SNX30: variants seen among roughly 807,000 people sequenced by gnomAD.
SNX30 encodes sorting nexin family member 30.
A neutral mutation model predicts 46.4 loss-of-function variants in SNX30; 24 were observed. The observed-to-expected ratio is 0.52, with a 90% CI of 0.37 to 0.73. SNX30 has a LOEUF of 0.73. SNX30 is among the 30% of genes least tolerant of loss of function. SNX30 has a pLI of 0.00. For missense variants in SNX30, 533 were observed against 555.7 expected (o/e 0.96, Z 0.41); for synonymous variants, 189 against 211.5 (o/e 0.89, Z 0.92).
At chr9:112,884,354 G>T (rs1369499526), downstream of SNX30, among the ~76,000 whole-genome samples, 2 of 152,230 alleles carry the variant, frequency 1.3e-5, no homozygotes, top group Non-Finnish European at 2.9e-5. Context: ...TCTTCCTGTG[G>T]TTCGAAAGCT....
chr9:112,779,164 T>C (rs939705164), intron 1 of SNX30, among the ~76,000 whole-genome samples: 13 of 152,246 alleles, frequency 8.5e-5, no homozygotes, highest in Non-Finnish European at 1.0e-4. Context: ...TCTTCATCTG[T>C]GGCCTTGCCT....
chr9:112,868,904 T>C lies in SNX30; in HGVS notation c.*61T>C. 6.5e-7 allele frequency: 1 copy of C among 1,529,246 alleles called. No individual in the cohort carries two copies. The highest frequency in any genetic ancestry group is 9.1e-7 in the Non-Finnish European group (1 of 1,103,112). The allele number at this position is 1,529,246 out of a possible 1,614,324, so 94.7% of individuals were successfully genotyped here. A position where few individuals can be genotyped will look rare whatever the true frequency, so the allele number is the denominator to read the frequency against. ...CAGGGCCTGGCACCCTATACCGGAA[T>C]GTCCCTGCAGTGCCAGAGACGCAGT... On this transcript the variant is annotated 3_prime_UTR_variant, in exon 9 of 9. Transcript: ENST00000374232.
Position 112,846,278 on chromosome 9 carries a change from G to T in SNX30, c.1015-4581G>T, listed in dbSNP as rs145598988. ...GAAGAAATAATGTATCACTGATTGT[G>T]TCTGTGTGATGAGATTATGTATGAC... is the stretch of plus-strand genomic sequence containing the variant. On this transcript the variant is annotated intron_variant, in intron 6 of 8. Transcript: ENST00000374232. 9.8e-5 allele frequency among the ~76,000 whole-genome samples: 15 copies of T among 152,326 alleles called. No homozygotes were observed. The East Asian group carries it at 2.9e-3, about 29-fold the overall frequency.
At chr9:112,849,993 T>C (rs1031416698) in intron 6 of SNX30, among the ~76,000 whole-genome samples, 3 of 152,212 alleles carry the variant, frequency 2.0e-5, no homozygotes, top group African/African-American at 4.8e-5. Context: ...GCTTTTCTGT[T>C]TTGCTTGGTG....
At chr9:112,846,504 A>G (rs929460993) in intron 6 of SNX30, among the ~76,000 whole-genome samples, 4 of 152,246 alleles carry the variant, frequency 2.6e-5, no homozygotes, top group African/African-American at 9.6e-5. Context: ...AGCTAGTGAT[A>G]TCACCAGTAC....
At chr9:112,790,911 A>G (rs986622134) in intron 1 of SNX30, among the ~76,000 whole-genome samples, 1 of 152,190 alleles carries the variant, frequency 6.6e-6, no homozygotes, top group African/African-American at 2.4e-5. Flanking sequence ...ATTCTTCTCT[A>G]TATTATTGCG....
rs73656451 is a variant in SNX30, at chr9:112,866,243, G to A, written c.1254+1844G>A. 2.8e-3 allele frequency among the ~76,000 whole-genome samples: 425 copies of A among 152,250 alleles called. 3 individuals carry two copies. The highest frequency in any genetic ancestry group is 9.6e-3 in the African/African-American group (398 of 41,536). On this transcript the variant is annotated intron_variant, in intron 8 of 8. Coordinates refer to ENST00000374232, the MANE Select transcript of SNX30 (RefSeq NM_001012994.2). ...TAAGGAAAAGAACGGGAAACTGGGG[G>A]AGAAAATACTAGGGGGCATAATGCA...
chr9:112,817,090 T>C (rs1840408158), intron 2 of SNX30, among the ~76,000 whole-genome samples: 1 of 152,208 alleles, frequency 6.6e-6, no homozygotes, highest in African/African-American at 2.4e-5. Context: ...GGGTTGTGGT[T>C]TGGCAGAATG....
intron 7 of SNX30, 129 bp from the exon 8 acceptor site, chr9:112,864,118 G>A (rs1841280404): frequency 2.0e-6 from 2 of 982,072 alleles, no homozygotes; most frequent in Non-Finnish European, 3.0e-6. Flanking sequence ...AATGCCTCCA[G>A]AGGAGGGAGC....
intron 7 of SNX30, among the ~76,000 whole-genome samples, chr9:112,861,559 G>A (rs527346930): frequency 1.2e-3 from 181 of 152,294 alleles, no homozygotes; most frequent in Middle Eastern, 3.4e-3. Context: ...AGGAAGTGTG[G>A]GGCTTTTTCT....
At chr9:112,853,903 T>C (rs1395298057) in intron 7 of SNX30, among the ~76,000 whole-genome samples, 2 of 152,210 alleles carry the variant, frequency 1.3e-5, no homozygotes, top group East Asian at 3.8e-4. Context: ...TATGTGTCAG[T>C]TAAATATTTA....
chr9:112,841,667 T>C (rs151046823), intron 6 of SNX30, among the ~76,000 whole-genome samples: 1 of 152,190 alleles, frequency 6.6e-6, no homozygotes, highest in African/African-American at 2.4e-5. Context: ...ATAGGAGTGA[T>C]TGGATGGCAA....
chr9:112,847,394 CAT>C (rs1457274171), intron 6 of SNX30, among the ~76,000 whole-genome samples: 1 of 151,794 alleles, frequency 6.6e-6, no homozygotes, highest in Non-Finnish European at 1.5e-5. Flanking sequence ...ATCCTGGAAT[CAT>C]ATTATTTCAT....
intron 1 of SNX30, among the ~76,000 whole-genome samples, chr9:112,794,398 G>A (rs1009299350): frequency 1.3e-5 from 2 of 152,234 alleles, no homozygotes; most frequent in Middle Eastern, 3.4e-3. Flanking sequence ...TGATCCACCC[G>A]CCTCGACCTC....
At position 112,868,907 on chromosome 9, in the gene SNX30, C is replaced by T. The variant is rs914780882; in HGVS notation, c.*64C>T. 1 of 1,491,246 alleles carries T rather than the reference C, an allele frequency of 6.7e-7. No homozygotes were observed. Among genetic ancestry groups the T allele is most frequent in the Non-Finnish European group, 9.4e-7 (1 of 1,068,814 alleles). 92.4% of individuals were successfully genotyped at this position (1,491,246 alleles called of 1,614,324 possible). A position where few individuals can be genotyped will look rare whatever the true frequency, so the allele number is the denominator to read the frequency against. Reference sequence around the variant, plus strand: ...GGCCTGGCACCCTATACCGGAATGTCCCTGCAGTGCCAGAGACGCAGTGCT... The same window carrying T: ...GGCCTGGCACCCTATACCGGAATGTTCCTGCAGTGCCAGAGACGCAGTGCT... On this transcript the variant is annotated 3_prime_UTR_variant, in exon 9 of 9. Coordinates refer to ENST00000374232, the MANE Select transcript of SNX30 (RefSeq NM_001012994.2).
At chr9:112,824,360 A>G (rs866318504) in intron 3 of SNX30, among the ~76,000 whole-genome samples, 47 of 152,168 alleles carry the variant, frequency 3.1e-4, no homozygotes, top group African/African-American at 1.0e-3. Flanking sequence ...CAACATATAT[A>G]TGTGTATATT....
At chr9:112,768,518 CAGATCCTCCAA>C (rs1289521123) in intron 1 of SNX30, among the ~76,000 whole-genome samples, 1 of 152,010 alleles carries the variant, frequency 6.6e-6, no homozygotes, top group African/African-American at 2.4e-5. Flanking sequence ...GCTAAGCATT[CAGATCCTCCAA>C]AGATCTCTTA....
At chr9:112,840,966 G>A (rs1207252466) in intron 6 of SNX30, among the ~76,000 whole-genome samples, 2 of 144,580 alleles carry the variant, frequency 1.4e-5, no homozygotes, top group Admixed American at 6.9e-5. Context: ...TTTTTTTAGT[G>A]TCAGCCAGGA....
At chr9:112,761,635 T>C (rs950168197) in intron 1 of SNX30, among the ~76,000 whole-genome samples, 1 of 152,128 alleles carries the variant, frequency 6.6e-6, no homozygotes, top group Non-Finnish European at 1.5e-5. Flanking sequence ...TGGGGGTGAC[T>C]GACTAGAAAG....
Sources: allele counts gnomAD v4.1 joint callset (sites outside exome capture counted in the v4.1 genomes callset), GRCh38; gene constraint gnomAD v4.1.1; transcripts MANE v1.5; gene names NCBI Gene and HGNC (gene_info 2026-07-23, HGNC 2026-07-21).